The following PALB2 variants were observed in gnomAD, a reference collection of about 807,000 sequenced individuals.
The protein encoded by PALB2 is mutant partner and localizer of BRCA2.
In PALB2, 82 loss-of-function variants were observed where a neutral mutation model predicts 107.4. That is an observed-to-expected ratio of 0.76 (90% CI 0.64 to 0.92). PALB2 has a LOEUF of 0.92. Among genes scored for constraint, PALB2 ranks in the 40% least tolerant of loss-of-function variants. PALB2 has a pLI of 0.00. For missense variants in PALB2, 1,374 were observed against 1,379.9 expected, an observed-to-expected ratio of 1.00 and a Z score of 0.07; for synonymous variants, 489 against 496.8, an observed-to-expected ratio of 0.98 and a Z score of 0.21.
chr16:23,635,343 G>T lies in PALB2; in HGVS notation c.1203C>A (p.Gly401=). ...CATAATATTCTGCAGGAAACAGAAGGCCTTCAGGCACTGTGCAAGAATGTT... is the reference window on the plus strand; with the variant it reads ...CATAATATTCTGCAGGAAACAGAAGTCCTTCAGGCACTGTGCAAGAATGTT... ...AEKHSCTVPE[G]LLFPAEYYVR... The change falls in exon 4 of 13, where the codon GGC becomes GGA. Residue 401 remains glycine, a synonymous_variant. Coordinates refer to ENST00000261584, the MANE Select transcript of PALB2 (RefSeq NM_024675.4). 6.2e-7 allele frequency: 1 copy of T among 1,613,994 alleles called. No homozygotes were observed.
intron 1 of PALB2, among the ~76,000 whole-genome samples, chr16:23,639,012 A>C (rs1967135709): frequency 6.6e-6 from 1 of 152,214 alleles, no homozygotes; most frequent in Non-Finnish European, 1.5e-5. Flanking sequence ...GTAGGCATTT[A>C]ACAAATATTT....
Position 23,633,572 on chromosome 16 carries a change from G to A in PALB2, c.1684+1290C>T, listed in dbSNP as rs869312612. Among the ~76,000 whole-genome samples, 2 of 152,162 alleles carry A rather than the reference G, an allele frequency of 1.3e-5. No homozygotes were observed. Among genetic ancestry groups the A allele is most frequent in the Non-Finnish European group, 2.9e-5 (2 of 68,034 alleles). The stretch of plus-strand genomic sequence containing the variant: ...TTGAAAGTTTAAATTACAATGTATC[G>A]TTGCTGCCCATCCTCCAAAATTCTG... On this transcript the variant is annotated intron_variant, in intron 4 of 12. Coordinates refer to ENST00000261584, the MANE Select transcript of PALB2 (RefSeq NM_024675.4).
intron 2 of PALB2, 47 bp downstream of exon 2, chr16:23,638,023 A>G (rs1967107324): frequency 2.5e-6 from 4 of 1,607,292 alleles, no homozygotes; most frequent in Non-Finnish European, 3.4e-6. Context: ...ACTGTTTTTA[A>G]ATTGTTTGTA....
In PALB2 at chr16:23,641,308, G is replaced by C; in HGVS notation, c.-151C>G. ...AGTGCGCGATCAGCTGACCCACGCGGGCCAAGCGCGCCCTAAACTCCGGCC... is the reference window on the plus strand; with the variant it reads ...AGTGCGCGATCAGCTGACCCACGCGCGCCAAGCGCGCCCTAAACTCCGGCC... On this transcript the variant is annotated 5_prime_UTR_variant, in exon 1 of 13. Coordinates refer to ENST00000261584, the MANE Select transcript of PALB2 (RefSeq NM_024675.4). 9.0e-7 allele frequency: 1 copy of C among 1,114,110 alleles called. No individual in the cohort carries two copies. Among genetic ancestry groups the C allele is most frequent in the Non-Finnish European group, 1.3e-6 (1 of 770,944 alleles). 69.0% of individuals were successfully genotyped at this position (1,114,110 alleles called of 1,614,324 possible).
rs529800578 is a variant in PALB2, at chr16:23,614,505, T to C, written c.3114-414A>G. On this transcript the variant is annotated intron_variant, in intron 10 of 12. Coordinates refer to ENST00000261584, the MANE Select transcript of PALB2 (RefSeq NM_024675.4). ...CAAGAGACTACACCTAAAAGAGAGT[T>C]ACAATTATATCTCTATTACATGTAT... Among the ~76,000 whole-genome samples the C allele has an allele frequency of 2.0e-5, 3 of 152,268 alleles. No individual in the cohort carries two copies. The East Asian group carries it at 5.8e-4, about 29-fold the overall frequency.
intron 12 of PALB2, among the ~76,000 whole-genome samples, chr16:23,606,305 C>G (rs1330901772): frequency 1.3e-5 from 2 of 151,766 alleles, no homozygotes; most frequent in Non-Finnish European, 2.9e-5. Context: ...ACTTGGGAAG[C>G]TGAGATGGGA....
At chr16:23,632,397 T>C (rs974348194) in intron 4 of PALB2, among the ~76,000 whole-genome samples, 10 of 152,084 alleles carry the variant, frequency 6.6e-5, no homozygotes, top group Non-Finnish European at 1.2e-4. Context: ...TGAACCAAGA[T>C]TGTGCCACTG....
chr16:23,618,986 C>T (rs944852461), intron 10 of PALB2, among the ~76,000 whole-genome samples: 3 of 152,108 alleles, frequency 2.0e-5, no homozygotes, highest in Non-Finnish European at 4.4e-5. Context: ...CACAACGTTT[C>T]TCTCAAGGGC....
intron 4 of PALB2, among the ~76,000 whole-genome samples, chr16:23,634,114 T>C (rs1966923390): frequency 6.6e-6 from 1 of 152,246 alleles, no homozygotes; most frequent in African/African-American, 2.4e-5. Flanking sequence ...TATGTAATAT[T>C]ACGTAAACAA....
In PALB2 at chr16:23,624,027, A is replaced by G; in HGVS notation, c.2816T>C (p.Leu939Ser). The change falls in exon 8 of 13, where the codon TTG (leucine) becomes TCG (serine). Residue 939 changes from leucine to serine, a missense_variant. By Grantham distance (145) the Leu-to-Ser change is moderately radical. Transcript: ENST00000261584. ...YNLVCVALGN[L>S]EIREIRALFC... ...TACATACCTGATCTCTCTGATTTCCAAATTTCCCAAAGCTACACACACGAG... is the reference window on the plus strand; with the variant it reads ...TACATACCTGATCTCTCTGATTTCCGAATTTCCCAAAGCTACACACACGAG... 2 of 1,597,536 alleles carry G rather than the reference A, an allele frequency of 1.3e-6. No homozygotes were observed. The highest frequency in any genetic ancestry group is 1.7e-6 in the Non-Finnish European group (2 of 1,165,010).
Position 23,635,518 on chromosome 16 carries a change from T to C in PALB2, c.1028A>G (p.Gln343Arg), listed in dbSNP as rs1567221796. ...TGTTTGATTTTGTTCTTTTAAGTTT[T>C]GGTTTTCATTTGCTGGTAAGTTATT... ...TYNNLPANEN[Q>R]NLKEQNQTEK... The change falls in exon 4 of 13, where the codon CAA becomes CGA. Residue 343 changes from glutamine to arginine, a missense_variant. Physicochemically the swap from Gln to Arg is conservative, Grantham distance 43 (BLOSUM62 1). Transcript: ENST00000261584. 6.2e-7 allele frequency: 1 copy of C among 1,613,742 alleles called. No individual in the cohort carries two copies.
At position 23,629,222 on chromosome 16, in the gene PALB2, T is replaced by G. The variant is rs587781708; in HGVS notation, c.2568A>C (p.Gln856His). ...ASDSINPGNLQLVSELKNPSG... is the reference protein window; with the variant it reads ...ASDSINPGNLHLVSELKNPSG... ...TTCTGACCTTTAACTCTGAAACCAA[T>G]TGTAGGTTGCCTGGGTTTATGCTAT... The change falls in exon 6 of 13, where the codon CAA (glutamine) becomes CAC (histidine). Residue 856 changes from glutamine (Q) to histidine (H), a missense_variant. By Grantham distance (24) the Gln-to-His change is conservative. Coordinates refer to ENST00000261584, the MANE Select transcript of PALB2 (RefSeq NM_024675.4). 1 of 1,613,366 alleles carries G rather than the reference T, an allele frequency of 6.2e-7. No homozygotes were observed. Among genetic ancestry groups the G allele is most frequent in the Admixed American group, 1.7e-5 (1 of 59,994 alleles).
At chr16:23,604,444 C>T (rs113461037) in intron 12 of PALB2, among the ~76,000 whole-genome samples, 3,864 of 152,338 alleles carry the variant, frequency 0.025, 71 homozygotes, top group Middle Eastern at 0.088. Flanking sequence ...TAGCGCAGTG[C>T]CTGGCACACA....
intron 6 of PALB2, among the ~76,000 whole-genome samples, chr16:23,628,072 A>C (rs986617698): frequency 6.6e-6 from 1 of 152,166 alleles, no homozygotes; most frequent in Non-Finnish European, 1.5e-5. Flanking sequence ...AAAAATACAA[A>C]AATTAGCAAG....
intron 12 of PALB2, among the ~76,000 whole-genome samples, chr16:23,604,212 A>C (rs1273338561): frequency 6.6e-6 from 1 of 152,224 alleles, no homozygotes; most frequent in African/African-American, 2.4e-5. Flanking sequence ...TTTCCCCCAC[A>C]AAAGATGCCA....
intron 10 of PALB2, among the ~76,000 whole-genome samples, chr16:23,614,392 G>C (rs79801293): frequency 0.033 from 5,087 of 152,188 alleles, 118 homozygotes; most frequent in Middle Eastern, 0.088. Context: ...CAGGCACATG[G>C]TATAGCAGTA....
rs1555460592 is a variant in PALB2, at chr16:23,630,239, C to T, written c.1915G>A (p.Glu639Lys). Residue 639 changes from glutamate to lysine, a missense_variant, in exon 5 of 13, where the codon GAG becomes AAG. By Grantham distance (56) the Glu-to-Lys change is moderately conservative. Transcript: ENST00000261584. ...TGTCTCTCTCCAAACATTTTTGACT[C>T]AAAGGGCTCCACTGGTTTTTCTGAG... ...SCSEKPVEPFESKMFGERHLK... is the reference protein window; with the variant it reads ...SCSEKPVEPFKSKMFGERHLK... 1 of 1,614,130 alleles carries T rather than the reference C, an allele frequency of 6.2e-7. No individual in the cohort carries two copies.
At position 23,630,085 on chromosome 16, in the gene PALB2, T is replaced by C. The variant is rs2142381968; in HGVS notation, c.2069A>G (p.Gln690Arg). 1 of 1,614,174 alleles carries C rather than the reference T, an allele frequency of 6.2e-7. No individual in the cohort carries two copies. Among genetic ancestry groups the C allele is most frequent in the Non-Finnish European group, 8.5e-7 (1 of 1,180,030 alleles). ...AAGGCCCGTCTTTGTATGCTGGCTTTGCGAGTTTGGCCTTTTGGGATGTGA... is the reference window on the plus strand; with the variant it reads ...AAGGCCCGTCTTTGTATGCTGGCTTCGCGAGTTTGGCCTTTTGGGATGTGA... ...GKSHPKRPNSQSQHTKTGLSS... is the reference protein window; with the variant it reads ...GKSHPKRPNSRSQHTKTGLSS... Residue 690 changes from glutamine (Q) to arginine (R), a missense_variant, in exon 5 of 13, where the codon CAA becomes CGA. By Grantham distance (43) the Gln-to-Arg change is conservative. Transcript: ENST00000261584.
rs911713488 is a variant in PALB2 at position 23,635,718 on chromosome 16, G to T, written c.828C>A (p.His276Gln). 1 of 1,614,104 alleles carries T rather than the reference G, an allele frequency of 6.2e-7. No individual in the cohort carries two copies. The highest frequency in any genetic ancestry group is 8.5e-7 in the Non-Finnish European group (1 of 1,180,014). ...AAGTAAATCTAATGTTTTTTAGGTC[G>T]TGAGTAGTAAGTTCACTGCTACCTT... Reference protein sequence around the residue: ...PPKGSSELTTHDLKNIRFTSP... With the variant: ...PPKGSSELTTQDLKNIRFTSP... The change falls in exon 4 of 13, where the codon CAC becomes CAA. Residue 276 changes from histidine to glutamine, a missense_variant. Transcript: ENST00000261584.
Sources: gnomAD v4.1 joint callset for allele counts (sites outside exome capture counted in the v4.1 genomes callset) on GRCh38, gnomAD v4.1.1 for gene constraint, MANE v1.5 for transcripts, NCBI Gene and HGNC (gene_info 2026-07-23, HGNC 2026-07-21) for gene names.